The following AFF3 variants were observed in gnomAD, a reference collection of about 807,000 sequenced individuals.
AFF3 encodes AF4/FMR2 family member 3.
Under a neutral mutation model 129.7 loss-of-function variants are expected in AFF3, and 32 were observed. The observed-to-expected ratio is 0.25, with a 90% CI of 0.19 to 0.33. AFF3 has a LOEUF of 0.33. AFF3 is among the 10% of genes least tolerant of loss of function. The probability of loss-of-function intolerance (pLI) is 1.00; values close to 1 mark genes in which losing one functional copy is unlikely to be tolerated. For missense variants in AFF3, 1,373 were observed against 1,592.0 expected, an observed-to-expected ratio of 0.86 and a Z score of 2.34; for synonymous variants, 644 against 635.4, an observed-to-expected ratio of 1.01 and a Z score of -0.20.
At chr2:99,715,734 T>C (rs1678314192) in intron 11 of AFF3, among the ~76,000 whole-genome samples, 1 of 151,394 alleles carries the variant, frequency 6.6e-6, no homozygotes, top group African/African-American at 2.4e-5. Flanking sequence ...TGCAGTGGTG[T>C]GATTTCAGCT....
chr2:99,878,816 T>A (rs1327671699), intron 7 of AFF3, among the ~76,000 whole-genome samples: 1 of 152,216 alleles, frequency 6.6e-6, no homozygotes, highest in African/African-American at 2.4e-5. Flanking sequence ...ACTTTCTGTT[T>A]TAGAGCATTC....
intron 7 of AFF3, among the ~76,000 whole-genome samples, chr2:99,988,349 C>A (rs931743205): frequency 1.3e-5 from 2 of 152,116 alleles, no homozygotes; most frequent in Admixed American, 1.3e-4. Flanking sequence ...AGCATGGAGG[C>A]CTGCAAAGTG....
chr2:100,023,399 T>C (rs1186828687), intron 4 of AFF3, among the ~76,000 whole-genome samples: 1 of 152,218 alleles, frequency 6.6e-6, no homozygotes, highest in Non-Finnish European at 1.5e-5. Flanking sequence ...ATTGTCCTTT[T>C]GGAATTAAAA....
At chr2:100,090,283 A>T (rs1689743010) in intron 4 of AFF3, among the ~76,000 whole-genome samples, 1 of 151,280 alleles carries the variant, frequency 6.6e-6, no homozygotes, top group Non-Finnish European at 1.5e-5. Flanking sequence ...TTGCTGTACC[A>T]TCATTATTGT....
At chr2:100,117,343 T>G (rs941798731) in intron 2 of AFF3, among the ~76,000 whole-genome samples, 4 of 152,218 alleles carry the variant, frequency 2.6e-5, no homozygotes, top group Non-Finnish European at 5.9e-5. Flanking sequence ...TTTGAAAGCT[T>G]CTTTCTGAAT....
chr2:99,586,835 G>A (rs993930313), intron 16 of AFF3, among the ~76,000 whole-genome samples: 2 of 152,078 alleles, frequency 1.3e-5, no homozygotes, highest in South Asian at 2.1e-4. Flanking sequence ...GGAGTTTAGC[G>A]GTTACCATTA....
intron 4 of AFF3, among the ~76,000 whole-genome samples, chr2:100,010,414 G>T (rs1259128046): frequency 6.6e-6 from 1 of 152,162 alleles, no homozygotes; most frequent in Non-Finnish European, 1.5e-5. Context: ...GCTGTCTAAG[G>T]GGTGATGCGA....
intron 7 of AFF3, among the ~76,000 whole-genome samples, chr2:99,942,116 C>T (rs1298250775): frequency 6.6e-6 from 1 of 152,160 alleles, no homozygotes; most frequent in Non-Finnish European, 1.5e-5. Context: ...AATCGTTCAG[C>T]ACTTACTGAG....
chr2:100,081,495 C>T (rs550341430), intron 4 of AFF3, among the ~76,000 whole-genome samples: 1 of 151,860 alleles, frequency 6.6e-6, no homozygotes, highest in East Asian at 1.9e-4. Flanking sequence ...AGAAGACCTT[C>T]TGTTGAGCCT....
At chr2:100,135,577 G>A (rs1196642945) in intron 1 of AFF3, among the ~76,000 whole-genome samples, 1 of 152,172 alleles carries the variant, frequency 6.6e-6, no homozygotes, top group Non-Finnish European at 1.5e-5. Context: ...TGAGTGGAAG[G>A]GGATCCTCCT....
At chr2:99,840,055 C>G (rs1168378771) in intron 7 of AFF3, among the ~76,000 whole-genome samples, 1 of 150,064 alleles carries the variant, frequency 6.7e-6, no homozygotes, top group East Asian at 1.9e-4. Flanking sequence ...TTTGTATATT[C>G]TGGATATCAG....
At chr2:99,835,567 C>G (rs980416279) in intron 8 of AFF3, among the ~76,000 whole-genome samples, 1 of 152,098 alleles carries the variant, frequency 6.6e-6, no homozygotes, top group African/African-American at 2.4e-5. Flanking sequence ...ATACCAACTA[C>G]TACTACTAAC....
chr2:100,095,398 C>T (rs950573625), intron 4 of AFF3, among the ~76,000 whole-genome samples: 4 of 152,100 alleles, frequency 2.6e-5, no homozygotes, highest in African/African-American at 4.8e-5. Context: ...TTAGTCAGAT[C>T]ATATAATGGA....
intron 4 of AFF3, among the ~76,000 whole-genome samples, chr2:100,052,090 G>A (rs1390607851): frequency 6.6e-6 from 1 of 152,176 alleles, no homozygotes; most frequent in Non-Finnish European, 1.5e-5. Context: ...ACAGACCTGA[G>A]CTTGCTGTAT....
At chr2:99,573,171 T>A (rs1676662951) in intron 18 of AFF3, among the ~76,000 whole-genome samples, 1 of 152,208 alleles carries the variant, frequency 6.6e-6, no homozygotes, top group Admixed American at 6.5e-5. Context: ...TAAAGATGAT[T>A]GGACAGCTGA....
At chr2:99,742,670 T>C (rs1312417247) in intron 10 of AFF3, among the ~76,000 whole-genome samples, 1 of 152,222 alleles carries the variant, frequency 6.6e-6, no homozygotes, top group East Asian at 1.9e-4. Context: ...CAGAGAGCCC[T>C]GAATTCAAAT....
At chr2:99,907,037 T>C (rs1216541369) in intron 7 of AFF3, among the ~76,000 whole-genome samples, 1 of 152,184 alleles carries the variant, frequency 6.6e-6, no homozygotes, top group Non-Finnish European at 1.5e-5. Flanking sequence ...ATATGTGTAC[T>C]ACATGCCAGG....
intron 17 of AFF3, among the ~76,000 whole-genome samples, chr2:99,581,811 T>TG (rs971313538): frequency 1.1e-4 from 16 of 151,152 alleles, no homozygotes; most frequent in Non-Finnish European, 2.1e-4. Flanking sequence ...GAAGAGGAAC[T>TG]AACATGTAGT....
chr2:100,140,752 A>G (rs1692830291), intron 1 of AFF3, among the ~76,000 whole-genome samples: 1 of 152,138 alleles, frequency 6.6e-6, no homozygotes. Context: ...GAGCTCCAGA[A>G]CATGTTCCTC....
Sources: gnomAD v4.1 joint callset for allele counts (sites outside exome capture counted in the v4.1 genomes callset) on GRCh38, gnomAD v4.1.1 for gene constraint, MANE v1.5 for transcripts, NCBI Gene and HGNC (gene_info 2026-07-23, HGNC 2026-07-21) for gene names.